CHCHD3: variants seen among roughly 807,000 people sequenced by gnomAD.
CHCHD3 encodes MICOS complex subunit MIC19.
CHCHD3 carries 20 observed loss-of-function variants against 38.2 expected under a neutral mutation model. That is an observed-to-expected ratio of 0.52 (90% CI 0.37 to 0.76). The LOEUF (loss-of-function observed/expected upper bound fraction) is 0.76, where lower values mean the gene tolerates loss of function less well. Among genes scored for constraint, CHCHD3 ranks in the 30% least tolerant of loss-of-function variants. The probability of loss-of-function intolerance (pLI) is 0.00; values close to 1 mark genes in which losing one functional copy is unlikely to be tolerated. For synonymous variants in CHCHD3, 82 were observed against 100.0 expected, an observed-to-expected ratio of 0.82 and a Z score of 1.07; for missense variants, 245 against 279.2, an observed-to-expected ratio of 0.88 and a Z score of 0.87.
chr7:132,840,028 T>C (rs1048502859), intron 5 of CHCHD3, among the ~76,000 whole-genome samples: 1 of 152,232 alleles, frequency 6.6e-6, no homozygotes, highest in Non-Finnish European at 1.5e-5. Flanking sequence ...TGCTGCTGCA[T>C]TTTATAAAAT....
In CHCHD3 at chr7:133,035,312, G is replaced by T. The variant is rs143713417; in HGVS notation, c.170-10685C>A. On this transcript the variant is annotated intron_variant, in intron 2 of 7. Transcript: ENST00000262570. The surrounding 1 kb of genome is among the most constrained non-coding windows in gnomAD (Gnocchi z 4.7). ...TCTCACACAGTTTCAGTTCCCCCAA[G>T]ACAGCCCGGAACTGGGGCTGGTTAA... 8.4e-3 allele frequency: 13,563 copies of T among 1,611,234 alleles called. 94 individuals are homozygous for T. The highest frequency in any genetic ancestry group is 8.9e-3 in the Non-Finnish European group (10,480 of 1,177,466).
rs58223018 is a variant in CHCHD3, at chr7:132,953,811, A to C, written c.369+21358T>G. 6.9e-3 allele frequency among the ~76,000 whole-genome samples: 1,052 copies of C among 152,334 alleles called. 15 individuals carry two copies. Among genetic ancestry groups the C allele is most frequent in the African/African-American group, 0.024 (997 of 41,572 alleles). ...TACTCAAACAGGAGTAAAGGTCATA[A>C]GTAGGGTGACCATACGTCTTGGTTT... On this transcript the variant is annotated intron_variant, in intron 4 of 7. Transcript: ENST00000262570.
chr7:132,963,717 T>G (rs1811390087), intron 4 of CHCHD3, among the ~76,000 whole-genome samples: 1 of 74,488 alleles, frequency 1.3e-5, no homozygotes, highest in South Asian at 3.9e-4. Flanking sequence ...ACACACATAA[T>G]CTAGCAATGT....
chr7:132,869,006 CA>C (rs924234511), intron 5 of CHCHD3, among the ~76,000 whole-genome samples: 25 of 151,042 alleles, frequency 1.7e-4, no homozygotes, highest in African/African-American at 5.6e-4. Context: ...TTAACAACAA[CA>C]AAAAAAAACT....
chr7:132,834,749 G>A (rs1807734030), intron 6 of CHCHD3, among the ~76,000 whole-genome samples: 1 of 151,996 alleles, frequency 6.6e-6, no homozygotes, highest in Non-Finnish European at 1.5e-5. Context: ...TGCCCTCCTG[G>A]TATCAATGTG....
chr7:132,796,376 C>T, intron 7 of CHCHD3, 66 bp downstream of exon 7: 1 of 1,589,696 alleles, frequency 6.3e-7, no homozygotes, highest in Non-Finnish European at 8.6e-7. Flanking sequence ...TAGTCCTTAC[C>T]ACTGCCCCAG....
chr7:132,899,619 G>T (rs1025419061), intron 4 of CHCHD3, among the ~76,000 whole-genome samples: 6 of 152,120 alleles, frequency 3.9e-5, no homozygotes, highest in Non-Finnish European at 8.8e-5. Context: ...ACTTATGCAG[G>T]CCAGGCAGAG....
In CHCHD3 at chr7:132,957,479, GTTTC is replaced by G. The variant is rs1368769547; in HGVS notation, c.369+17686_369+17689del. ...ACCCTCTGGGGCACACCCTTCTTAA[GTTTC>G]TTTTTTTCTTTTTTTTTGAGACAGA... On this transcript the variant is annotated intron_variant, in intron 4 of 7. Coordinates refer to ENST00000262570, the MANE Select transcript of CHCHD3 (RefSeq NM_017812.4). Among the ~76,000 whole-genome samples the G allele has an allele frequency of 5.3e-5, 8 of 151,934 alleles. No homozygotes were observed. In the East Asian group the frequency reaches 1.4e-3, roughly 26 times the overall value.
Position 132,829,408 on chromosome 7 carries a change from C to A in CHCHD3, c.524+8991G>T, listed in dbSNP as rs926596404. 3.3e-5 allele frequency among the ~76,000 whole-genome samples: 5 copies of A among 152,050 alleles called. No individual in the cohort carries two copies. In the East Asian group the frequency reaches 7.7e-4, roughly 24 times the overall value. On this transcript the variant is annotated intron_variant, in intron 6 of 7. Coordinates refer to ENST00000262570, the MANE Select transcript of CHCHD3 (RefSeq NM_017812.4). ...AGGGTATACTAGATTCTTAATGGAT[C>A]GTATTGATTAAGAAGAAAGTTCAAT...
intron 6 of CHCHD3, among the ~76,000 whole-genome samples, chr7:132,800,055 C>A (rs1424648644): frequency 6.6e-6 from 1 of 152,150 alleles, no homozygotes; most frequent in Non-Finnish European, 1.5e-5. Flanking sequence ...GTAAAACATT[C>A]TTTGGCTAAT....
chr7:132,914,931 G>A (rs1258858130), intron 4 of CHCHD3, among the ~76,000 whole-genome samples: 5 of 152,178 alleles, frequency 3.3e-5, no homozygotes, highest in Non-Finnish European at 7.3e-5. Flanking sequence ...GGAGGCTGAG[G>A]CGGGCAGATT....
At chr7:132,862,398 T>A (rs544791060) in intron 5 of CHCHD3, among the ~76,000 whole-genome samples, 5 of 152,346 alleles carry the variant, frequency 3.3e-5, no homozygotes, top group Admixed American at 2.6e-4. Flanking sequence ...GTCATGTTTA[T>A]AATACACTGT....
intron 3 of CHCHD3, among the ~76,000 whole-genome samples, chr7:132,986,774 C>T (rs4731927): frequency 0.71 from 108,017 of 152,064 alleles, 38,520 homozygotes; most frequent in African/African-American, 0.75. Flanking sequence ...GAAAGACATA[C>T]ATTAGTAAAG....
intron 6 of CHCHD3, among the ~76,000 whole-genome samples, chr7:132,824,598 G>C (rs1807463177): frequency 6.6e-6 from 1 of 152,150 alleles, no homozygotes; most frequent in Non-Finnish European, 1.5e-5. Flanking sequence ...ACAGGCATGA[G>C]CCACCACGCT....
At chr7:132,793,504 T>C (rs1806518935) in intron 7 of CHCHD3, among the ~76,000 whole-genome samples, 1 of 152,204 alleles carries the variant, frequency 6.6e-6, no homozygotes, top group African/African-American at 2.4e-5. Context: ...CCTAAATGTC[T>C]CATGTCAACC....
intron 4 of CHCHD3, among the ~76,000 whole-genome samples, chr7:132,971,190 G>A (rs897512689): frequency 1.3e-5 from 2 of 152,130 alleles, no homozygotes; most frequent in Admixed American, 6.5e-5. Context: ...CCCTGGTCCT[G>A]TCCTTCTAGT....
In CHCHD3 at chr7:132,853,250, G is replaced by C. The variant is rs531094478; in HGVS notation, c.454-14781C>G. ...GCTCTGATGGTGTACGCAAGGCAAA[G>C]CATCCTTAAGCTCAAAGAATCACTA... On this transcript the variant is annotated intron_variant, in intron 5 of 7. Transcript: ENST00000262570. 5.3e-5 allele frequency among the ~76,000 whole-genome samples: 8 copies of C among 152,236 alleles called. No individual in the cohort carries two copies. In the East Asian group the frequency reaches 1.2e-3, roughly 22 times the overall value.
chr7:132,855,383 A>G (rs1808321092), intron 5 of CHCHD3, among the ~76,000 whole-genome samples: 1 of 152,220 alleles, frequency 6.6e-6, no homozygotes, highest in African/African-American at 2.4e-5. Context: ...GATGTTAATG[A>G]TAACTGTGAC....
intron 5 of CHCHD3, among the ~76,000 whole-genome samples, chr7:132,862,321 G>C (rs1007891024): frequency 6.6e-6 from 1 of 152,126 alleles, no homozygotes; most frequent in Non-Finnish European, 1.5e-5. Flanking sequence ...GATACTGCAG[G>C]TTTGGTTTCA....
Sources: allele counts gnomAD v4.1 joint callset (sites outside exome capture counted in the v4.1 genomes callset), GRCh38; gene constraint gnomAD v4.1.1; non-coding constraint Gnocchi (gnomAD v3.1); transcripts MANE v1.5; gene names NCBI Gene and HGNC (gene_info 2026-07-23, HGNC 2026-07-21).